PRKAR2B: variants seen among roughly 807,000 people sequenced by gnomAD.
PRKAR2B encodes the protein protein kinase cAMP-dependent type II regulatory subunit beta.
In PRKAR2B, 14 loss-of-function variants were observed where a neutral mutation model predicts 49.9. The ratio of observed to expected loss-of-function variants is 0.28; its 90% confidence interval spans 0.19 to 0.44. The LOEUF (loss-of-function observed/expected upper bound fraction) is 0.44, where lower values mean the gene tolerates loss of function less well. Ranked by LOEUF, PRKAR2B falls within the 20% of genes least tolerant of loss-of-function variation. PRKAR2B has a pLI of 1.00. For missense variants in PRKAR2B, 393 were observed against 537.9 expected, an observed-to-expected ratio of 0.73 and a Z score of 2.67; for synonymous variants, 196 against 197.7, an observed-to-expected ratio of 0.99 and a Z score of 0.07.
intron 1 of PRKAR2B, chr7:107,066,805 A>T (rs1257356552): frequency 6.6e-6 from 1 of 151,692 alleles, no homozygotes; most frequent in East Asian, 1.9e-4. Context: ...TGAACTCCTG[A>T]CTTCAGGTGA....
chr7:107,120,680 A>G (rs573354471), intron 2 of PRKAR2B, among the ~76,000 whole-genome samples: 1 of 152,272 alleles, frequency 6.6e-6, no homozygotes, highest in African/African-American at 2.4e-5. Context: ...CAAGGTCAAA[A>G]GCAGTGATAC....
intron 2 of PRKAR2B, among the ~76,000 whole-genome samples, chr7:107,097,563 G>A (rs1185139817): frequency 6.6e-6 from 1 of 152,242 alleles, no homozygotes; most frequent in Middle Eastern, 3.4e-3. Flanking sequence ...GATGTTAGCT[G>A]GTTATTTTGC....
intron 3 of PRKAR2B, among the ~76,000 whole-genome samples, chr7:107,126,761 TG>T (rs1035572680): frequency 6.6e-6 from 1 of 151,464 alleles, no homozygotes; most frequent in African/African-American, 2.4e-5. Context: ...GAAGTTTGGT[TG>T]GTGTGGTTTG....
intron 2 of PRKAR2B, among the ~76,000 whole-genome samples, chr7:107,094,153 T>C (rs895310436): frequency 9.9e-5 from 15 of 152,070 alleles, no homozygotes; most frequent in Admixed American, 7.9e-4. Flanking sequence ...TCCTATTTCT[T>C]CACATCCTCT....
intron 1 of PRKAR2B, chr7:107,070,018 A>C (rs899538191): frequency 1.8e-4 from 53 of 295,586 alleles, no homozygotes; most frequent in Admixed American, 8.2e-4. Context: ...TTCCCAGTTA[A>C]GTAGTTTTAG....
At chr7:107,052,579 A>C (rs1257497444) in intron 1 of PRKAR2B, among the ~76,000 whole-genome samples, 2 of 152,216 alleles carry the variant, frequency 1.3e-5, no homozygotes, top group Admixed American at 6.5e-5. Context: ...TGGTGGAATC[A>C]AGGTTTGAAC....
At chr7:107,157,079 T>C (rs747715603) in intron 9 of PRKAR2B, 30 bp downstream of exon 9, 2 of 1,607,866 alleles carry the variant, frequency 1.2e-6, no homozygotes, top group Middle Eastern at 1.7e-4. Context: ...AGAACCCACA[T>C]ACTGTTAGCA....
intron 2 of PRKAR2B, among the ~76,000 whole-genome samples, chr7:107,072,078 A>T (rs576550631): frequency 7.4e-4 from 111 of 149,818 alleles, no homozygotes; most frequent in Admixed American, 1.7e-3. Flanking sequence ...CAAAAAAAAA[A>T]AATAATAAAA....
At chr7:107,158,932 G>GTT (rs1299437701) in intron 10 of PRKAR2B, among the ~76,000 whole-genome samples, 1 of 152,164 alleles carries the variant, frequency 6.6e-6, no homozygotes, top group African/African-American at 2.4e-5. Flanking sequence ...TTTCTAGCAT[G>GTT]TACTTATAGA....
chr7:107,098,787 G>A (rs1562856279), intron 2 of PRKAR2B, among the ~76,000 whole-genome samples: 1 of 152,174 alleles, frequency 6.6e-6, no homozygotes, highest in South Asian at 2.1e-4. Context: ...GTCCACTCCA[G>A]ACCCTGTTTT....
At chr7:107,157,966 C>G (rs904749970) in intron 10 of PRKAR2B, among the ~76,000 whole-genome samples, 3 of 152,176 alleles carry the variant, frequency 2.0e-5, no homozygotes, top group African/African-American at 7.2e-5. Flanking sequence ...TTATTACCCT[C>G]TCTGTGCTTT....
At chr7:107,052,628 GT>G (rs1328666903) in intron 1 of PRKAR2B, among the ~76,000 whole-genome samples, 2 of 152,222 alleles carry the variant, frequency 1.3e-5, no homozygotes, top group South Asian at 2.1e-4. Context: ...TTCAACCACG[GT>G]TTATACACTT....
At chr7:107,111,851 T>G (rs1203860157) in intron 2 of PRKAR2B, among the ~76,000 whole-genome samples, 3 of 151,084 alleles carry the variant, frequency 2.0e-5, no homozygotes, top group Admixed American at 6.6e-5. Flanking sequence ...TCACCAGTAG[T>G]ATGTAAAAAA....
At chr7:107,154,573 A>G (rs1257553828) in intron 8 of PRKAR2B, among the ~76,000 whole-genome samples, 1 of 152,220 alleles carries the variant, frequency 6.6e-6, no homozygotes, top group Non-Finnish European at 1.5e-5. Flanking sequence ...GTTGTCTTTT[A>G]AGCATTTATA....
intron 4 of PRKAR2B, among the ~76,000 whole-genome samples, chr7:107,132,003 A>G (rs1319752980): frequency 2.0e-5 from 3 of 152,224 alleles, no homozygotes; most frequent in Non-Finnish European, 4.4e-5. Flanking sequence ...TTTGGAATTT[A>G]TAGTTTAATG....
At chr7:107,081,420 A>G (rs1034114330) in intron 2 of PRKAR2B, among the ~76,000 whole-genome samples, 1 of 117,996 alleles carries the variant, frequency 8.5e-6, no homozygotes, top group Admixed American at 1.2e-4. Context: ...CCACCCCATC[A>G]GCATCTTGAC....
At chr7:107,052,726 G>T (rs905240153) in intron 1 of PRKAR2B, among the ~76,000 whole-genome samples, 15 of 152,190 alleles carry the variant, frequency 9.9e-5, no homozygotes, top group Non-Finnish European at 2.1e-4. Context: ...CTAAAAGTTT[G>T]CAGGCTAGCC....
rs967810382 is a variant in PRKAR2B, at chr7:107,097,673, C to T, written c.344-24279C>T. 4.1e-4 allele frequency among the ~76,000 whole-genome samples: 63 copies of T among 152,052 alleles called. 4 individuals are homozygous for T. Among genetic ancestry groups the T allele is most frequent in the Non-Finnish European group, 1.6e-4 (11 of 68,000 alleles). On this transcript the variant is annotated intron_variant, in intron 2 of 10. Coordinates refer to ENST00000265717, the MANE Select transcript of PRKAR2B (RefSeq NM_002736.3). ...CAGTTGTTCCTTTCCATGTTTAGTG[C>T]TTCCTTCAGGAGCTCTTTTAGGGCA... is the stretch of plus-strand genomic sequence containing the variant.
chr7:107,099,615 A>T (rs915719310), intron 2 of PRKAR2B, among the ~76,000 whole-genome samples: 1 of 149,906 alleles, frequency 6.7e-6, no homozygotes, highest in East Asian at 2.0e-4. Context: ...AGCTGTTCCT[A>T]TTCGGCCATC....
Sources: allele counts gnomAD v4.1 joint callset (sites outside exome capture counted in the v4.1 genomes callset), GRCh38; gene constraint gnomAD v4.1.1; transcripts MANE v1.5; gene names NCBI Gene and HGNC (gene_info 2026-07-23, HGNC 2026-07-21).